Variants in KIF5C observed in about 807,000 individuals in gnomAD.
The protein encoded by KIF5C is kinesin family member 5C.
Under a neutral mutation model 125.2 loss-of-function variants are expected in KIF5C, and 18 were observed. That is an observed-to-expected ratio of 0.14 (90% CI 0.10 to 0.21). The LOEUF is 0.21. KIF5C is among the 10% of genes least tolerant of loss of function. The pLI is 1.00. For synonymous variants in KIF5C, 405 were observed against 434.0 expected (o/e 0.93, Z 0.83); for missense variants, 780 against 1,183.8 (o/e 0.66, Z 5.01).
At chr2:149,020,037 A>G (rs190527383) in intron 25 of KIF5C, 1 of 152,326 alleles carries the variant, frequency 6.6e-6, no homozygotes, top group African/African-American at 2.4e-5. Context: ...CTTGGAAGAG[A>G]GTCAACAGGA....
At chr2:148,929,189 CCATTTGGAAAATGTAATTTTAAAATATG>C in intron 2 of KIF5C, 64 bp from the exon 3 acceptor site, 1 of 700,444 alleles carries the variant, frequency 1.4e-6, no homozygotes, top group Non-Finnish European at 2.4e-6. Context: ...ATGAGATGGG[CCATTTGGAAAATGTAATTTTAAAATATG>C]CAACCTACAC....
chr2:148,995,443 A>C (rs28681061), intron 17 of KIF5C, among the ~76,000 whole-genome samples: 6,267 of 152,332 alleles, frequency 0.041, 426 homozygotes, highest in African/African-American at 0.14. Context: ...CATAGGAAGC[A>C]CTTCATAAAT....
In KIF5C at chr2:148,909,039, C is replaced by T. The variant is rs193033977; in HGVS notation, c.127-13098C>T. ...AGAAAAACCGCTTCTTTCCCAGCTT[C>T]TTTGCCTCCCAGGCACCACATCACC... On this transcript the variant is annotated intron_variant, in intron 1 of 25. Coordinates refer to ENST00000435030, the MANE Select transcript of KIF5C (RefSeq NM_004522.3). Among the ~76,000 whole-genome samples the T allele has an allele frequency of 4.6e-5, 7 of 152,340 alleles. No homozygotes were observed. The East Asian group carries it at 1.4e-3, about 29-fold the overall frequency.
chr2:148,944,368 G>C (rs1282084944), intron 7 of KIF5C, among the ~76,000 whole-genome samples: 1 of 152,106 alleles, frequency 6.6e-6, no homozygotes, highest in Non-Finnish European at 1.5e-5. Context: ...GAATTTGACT[G>C]CTCTAGGTAC....
chr2:148,999,769 T>C (rs952339158), intron 19 of KIF5C, among the ~76,000 whole-genome samples: 1 of 152,256 alleles, frequency 6.6e-6, no homozygotes, highest in African/African-American at 2.4e-5. Flanking sequence ...AAATGGACTC[T>C]GGGTTTTCCT....
intron 4 of KIF5C, among the ~76,000 whole-genome samples, chr2:148,940,068 A>G (rs934260008): frequency 1.3e-5 from 2 of 152,140 alleles, no homozygotes; most frequent in Non-Finnish European, 2.9e-5. Flanking sequence ...TCTGTAATCT[A>G]TGGAAATAAG....
Position 148,895,295 on chromosome 2 carries a change from G to A in KIF5C, c.126+19552G>A, listed in dbSNP as rs897526421. Among the ~76,000 whole-genome samples the A allele has an allele frequency of 4.0e-5, 6 of 151,860 alleles. No homozygotes were observed. The East Asian group carries it at 5.8e-4, about 15-fold the overall frequency. ...TGGGATTACAGGTGTGCACCACCAC[G>A]CCCGGCTAATTTTTGTATTTTTAGT... is the stretch of plus-strand genomic sequence containing the variant. On this transcript the variant is annotated intron_variant, in intron 1 of 25. Transcript: ENST00000435030.
intron 14 of KIF5C, among the ~76,000 whole-genome samples, chr2:148,982,252 C>G (rs1323475072): frequency 1.3e-5 from 2 of 152,214 alleles, no homozygotes; most frequent in Non-Finnish European, 2.9e-5. Context: ...TTTCCAGATT[C>G]TCCAAATGAA....
intron 1 of KIF5C, among the ~76,000 whole-genome samples, chr2:148,893,969 T>C (rs1186115206): frequency 6.6e-6 from 1 of 152,148 alleles, no homozygotes; most frequent in Non-Finnish European, 1.5e-5. Flanking sequence ...AGCAACTCAC[T>C]GTTTAGTAGA....
chr2:148,902,430 C>A (rs1379684099), intron 1 of KIF5C, among the ~76,000 whole-genome samples: 1 of 152,174 alleles, frequency 6.6e-6, no homozygotes, highest in Non-Finnish European at 1.5e-5. Flanking sequence ...GATTCTCCTG[C>A]CTCAGCCCCC....
At chr2:148,890,603 A>G (rs1348215876) in intron 1 of KIF5C, among the ~76,000 whole-genome samples, 2 of 152,212 alleles carry the variant, frequency 1.3e-5, no homozygotes, top group Non-Finnish European at 2.9e-5. Context: ...AGGTTGCTAG[A>G]AAGGAGGGGA....
rs1176277801 is a variant in KIF5C, at chr2:149,005,247, G to A, written c.2374-146G>A. 29 of 1,317,174 alleles carry A rather than the reference G, an allele frequency of 2.2e-5. No individual in the cohort carries two copies. In the South Asian group the frequency reaches 2.9e-4, roughly 13 times the overall value. The allele number at this position is 1,317,174 out of a possible 1,614,324, so 81.6% of individuals were successfully genotyped here. On this transcript the variant is annotated intron_variant, in intron 21 of 25. Transcript: ENST00000435030. The stretch of plus-strand genomic sequence containing the variant: ...GACACTAGGTCCAGGGGTGGGCATG[G>A]TCAGGGTGGGGGTGTCACAGGGAAG...
At chr2:148,940,184 G>C (rs1384818573) in intron 4 of KIF5C, among the ~76,000 whole-genome samples, 1 of 152,188 alleles carries the variant, frequency 6.6e-6, no homozygotes, top group Non-Finnish European at 1.5e-5. Flanking sequence ...GCTGCAGGAA[G>C]GACTGGGTTA....
intron 10 of KIF5C, among the ~76,000 whole-genome samples, chr2:148,952,282 C>T (rs143150940): frequency 6.6e-6 from 1 of 152,170 alleles, no homozygotes; most frequent in East Asian, 1.9e-4. Flanking sequence ...AAAATCCTTA[C>T]CAGCAAAGCA....
chr2:148,986,796 A>G (rs1348551293), intron 15 of KIF5C, among the ~76,000 whole-genome samples: 4 of 152,228 alleles, frequency 2.6e-5, no homozygotes, highest in Non-Finnish European at 4.4e-5. Context: ...CTGAAAAGCC[A>G]GAAAACAGAA....
intron 1 of KIF5C, among the ~76,000 whole-genome samples, chr2:148,884,754 G>GCA (rs1406676214): frequency 6.6e-6 from 1 of 152,022 alleles, no homozygotes; most frequent in African/African-American, 2.4e-5. Context: ...TTTTCTTCTT[G>GCA]CAGTTGGTTT....
rs1019938495 is a variant in KIF5C at position 149,011,559 on chromosome 2, G to A, written c.2768-11G>A. On this transcript the variant is annotated splice_polypyrimidine_tract_variant and intron_variant, in intron 24 of 25. Transcript: ENST00000435030. Reference sequence around the variant, plus strand: ...TGTCTGTTCTCTCTTCTTTCTGTTGGTTGGATACAGCCAAGCCCATCCGCC... The same window carrying A: ...TGTCTGTTCTCTCTTCTTTCTGTTGATTGGATACAGCCAAGCCCATCCGCC... 1 of 1,613,700 alleles carries A rather than the reference G, an allele frequency of 6.2e-7. No individual in the cohort carries two copies. The highest frequency in any genetic ancestry group is 1.3e-5 in the African/African-American group (1 of 74,910).
intron 12 of KIF5C, among the ~76,000 whole-genome samples, chr2:148,978,048 G>A (rs1681122766): frequency 6.6e-6 from 1 of 152,212 alleles, no homozygotes; most frequent in African/African-American, 2.4e-5. Context: ...AAGCCAGGTT[G>A]TCATCTTCAC....
chr2:149,004,622 G>A (rs1017695844), intron 21 of KIF5C, among the ~76,000 whole-genome samples: 1 of 152,194 alleles, frequency 6.6e-6, no homozygotes, highest in Admixed American at 6.5e-5. Flanking sequence ...ATAAAAGGAA[G>A]CAATACAATC....
Sources: allele counts gnomAD v4.1 joint callset (sites outside exome capture counted in the v4.1 genomes callset), GRCh38; gene constraint gnomAD v4.1.1; transcripts MANE v1.5; gene names NCBI Gene and HGNC (gene_info 2026-07-23, HGNC 2026-07-21).